The following FMNL3 variants were observed in gnomAD, a reference collection of about 807,000 sequenced individuals.
The protein encoded by FMNL3 is formin like 3.
A neutral mutation model predicts 119.6 loss-of-function variants in FMNL3; 57 were observed. That is an observed-to-expected ratio of 0.48 (90% CI 0.39 to 0.59). The LOEUF (loss-of-function observed/expected upper bound fraction) is 0.59, where lower values mean the gene tolerates loss of function less well. Among genes scored for constraint, FMNL3 ranks in the 20% least tolerant of loss-of-function variants. The pLI is 0.00. For missense variants in FMNL3, 1,053 were observed against 1,323.5 expected (o/e 0.80, Z 3.17); for synonymous variants, 491 against 507.3 (o/e 0.97, Z 0.43).
intron 4 of FMNL3, 136 bp from the exon 5 acceptor site, chr12:49,662,185 C>A (rs1943752839): frequency 1.3e-6 from 1 of 772,286 alleles, no homozygotes; most frequent in Non-Finnish European, 2.2e-6. Context: ...AGATCAAAAC[C>A]CATGACAGAC....
At chr12:49,687,665 T>C (rs1592687113) in intron 1 of FMNL3, among the ~76,000 whole-genome samples, 1 of 152,246 alleles carries the variant, frequency 6.6e-6, no homozygotes, top group African/African-American at 2.4e-5. Flanking sequence ...CTTGTCTTTT[T>C]TGTTCACTGT....
At chr12:49,663,517 A>G (rs1167375945) in intron 4 of FMNL3, among the ~76,000 whole-genome samples, 1 of 152,234 alleles carries the variant, frequency 6.6e-6, no homozygotes, top group Admixed American at 6.5e-5. Flanking sequence ...TCCTGCCCAG[A>G]AATCCAGGAA....
intron 2 of FMNL3, among the ~76,000 whole-genome samples, 168 bp downstream of exon 2, chr12:49,668,303 T>C (rs1943946554): frequency 6.6e-6 from 1 of 152,214 alleles, no homozygotes; most frequent in African/African-American, 2.4e-5. Flanking sequence ...GCCAGCTCTG[T>C]CTCTGTTATG....
rs140736399 is a variant in FMNL3, at chr12:49,645,527, T to C, written c.*288A>G. The C allele has an allele frequency of 8.1e-4, 332 of 409,120 alleles. 1 individual carries two copies. Among genetic ancestry groups the C allele is most frequent in the African/African-American group, 6.4e-3 (304 of 47,650 alleles). 25.3% of individuals were successfully genotyped at this position (409,120 alleles called of 1,614,324 possible). On this transcript the variant is annotated 3_prime_UTR_variant, in exon 26 of 26. Coordinates refer to ENST00000335154, the MANE Select transcript of FMNL3 (RefSeq NM_175736.5). ...TAGTGGGAGAGATCTATGTGCCCTG[T>C]TTAGGCTAAGGCTGGAAATGGTTTT... is the stretch of plus-strand genomic sequence containing the variant.
rs1279664136 is a variant in FMNL3, at chr12:49,650,807, G to A, written c.1869C>T (p.Cys623=). 1 of 1,614,208 alleles carries A rather than the reference G, an allele frequency of 6.2e-7. No homozygotes were observed. Among genetic ancestry groups the A allele is most frequent in the Non-Finnish European group, 8.5e-7 (1 of 1,180,028 alleles). ...KAQGPALDLI[C]SKNKTAQKAA... Reference sequence around the variant, plus strand: ...CTTTTTGCGCTGTCTTGTTTTTGGAGCAGATGAGGTCAAGGGCAGGGCCCT... The same window carrying A: ...CTTTTTGCGCTGTCTTGTTTTTGGAACAGATGAGGTCAAGGGCAGGGCCCT... Residue 623 remains cysteine (C), a synonymous_variant, in exon 17 of 26, where the codon TGC becomes TGT. Coordinates refer to ENST00000335154, the MANE Select transcript of FMNL3 (RefSeq NM_175736.5).
rs1234527476 is a variant in FMNL3, at chr12:49,644,424, G to A, written c.*1391C>T. On this transcript the variant is annotated 3_prime_UTR_variant, in exon 26 of 26. Coordinates refer to ENST00000335154, the MANE Select transcript of FMNL3 (RefSeq NM_175736.5). ...CCTCAGCCCCAGACCAGAGATGGGT[G>A]GTATATGCCATGTGGGGTGGGTGAT... 3 of 552,884 alleles carry A rather than the reference G, an allele frequency of 5.4e-6. No homozygotes were observed. Among genetic ancestry groups the A allele is most frequent in the African/African-American group, 1.9e-5 (1 of 52,972 alleles). The allele number at this position is 552,884 out of a possible 1,614,324, so 34.2% of individuals were successfully genotyped here.
rs180856054 is a variant in FMNL3, at chr12:49,676,784, T to C, written c.127-8230A>G. ...GTTCTCTTATCTATAATCTGTCTTATGTCCTATAGCACAAATCACTTTATA... is the reference window on the plus strand; with the variant it reads ...GTTCTCTTATCTATAATCTGTCTTACGTCCTATAGCACAAATCACTTTATA... On this transcript the variant is annotated intron_variant, in intron 1 of 25. Transcript: ENST00000335154. Among the ~76,000 whole-genome samples the C allele has an allele frequency of 6.6e-5, 10 of 152,294 alleles. No individual in the cohort carries two copies. The East Asian group carries it at 1.3e-3, about 21-fold the overall frequency.
At position 49,696,045 on chromosome 12, in the gene FMNL3, A is replaced by C. The variant is rs141942274; in HGVS notation, c.126+11010T>G. ...TGCAAGAGGCCACTGGGTTCCTGGG[A>C]TTTGTGAAAATATAGCTGTCTCTTG... is the stretch of plus-strand genomic sequence containing the variant. On this transcript the variant is annotated intron_variant, in intron 1 of 25. Transcript: ENST00000335154. Among the ~76,000 whole-genome samples the C allele has an allele frequency of 3.0e-4, 46 of 152,232 alleles. No homozygotes were observed. The East Asian group carries it at 8.5e-3, about 28-fold the overall frequency.
In FMNL3 at chr12:49,695,709, AAC is replaced by A. The variant is rs539307084; in HGVS notation, c.126+11344_126+11345del. Among the ~76,000 whole-genome samples, 7 of 152,346 alleles carry A rather than the reference AAC, an allele frequency of 4.6e-5. No individual in the cohort carries two copies. The South Asian group carries it at 6.2e-4, about 14-fold the overall frequency. ...AGATGAGGGACTCTACTCAGAAAAA[AAC>A]AGAGTGTTGTCTTAAAGATTTTTTT... On this transcript the variant is annotated intron_variant, in intron 1 of 25. Coordinates refer to ENST00000335154, the MANE Select transcript of FMNL3 (RefSeq NM_175736.5).
At chr12:49,664,514 G>A (rs1943832279) in intron 4 of FMNL3, among the ~76,000 whole-genome samples, 1 of 152,168 alleles carries the variant, frequency 6.6e-6, no homozygotes, top group African/African-American at 2.4e-5. Flanking sequence ...ACTCAGGGTT[G>A]CCATCGGTGT....
Position 49,642,550 on chromosome 12 carries a change from G to A in FMNL3, c.*3265C>T. On this transcript the variant is annotated 3_prime_UTR_variant, in exon 26 of 26. Transcript: ENST00000335154. This position sits in a 1 kb window ranked among gnomAD's most constrained non-coding sequence, Gnocchi z 5.8. The stretch of plus-strand genomic sequence containing the variant: ...TCCAGGCCAGGCTGAGTGGGGCCTA[G>A]TCTGATCAGCAGTGCTCTCCTCGTT... The A allele has an allele frequency of 1.2e-6, 2 of 1,612,734 alleles. No individual in the cohort carries two copies. Among genetic ancestry groups the A allele is most frequent in the South Asian group, 1.1e-5 (1 of 90,976 alleles).
At chr12:49,693,343 G>A (rs572523825) in intron 1 of FMNL3, among the ~76,000 whole-genome samples, 30 of 152,006 alleles carry the variant, frequency 2.0e-4, no homozygotes, top group African/African-American at 7.2e-4. Context: ...TATACATATA[G>A]AGAGAGACAG....
In FMNL3 at chr12:49,641,704, G is replaced by A; in HGVS notation, c.*4111C>T. 1.7e-6 allele frequency: 1 copy of A among 581,706 alleles called. No individual in the cohort carries two copies. Among genetic ancestry groups the A allele is most frequent in the Non-Finnish European group, 3.1e-6 (1 of 326,578 alleles). The allele number at this position is 581,706 out of a possible 1,614,324, so 36.0% of individuals were successfully genotyped here. ...TCTCCCAACCCCTTCAGCTCTGTGT[G>A]ACATCCAAACCAAGGGTAGGCATGG... On this transcript the variant is annotated 3_prime_UTR_variant, in exon 26 of 26. Transcript: ENST00000335154.
intron 2 of FMNL3, among the ~76,000 whole-genome samples, chr12:49,667,135 AG>A (rs1943914087): frequency 6.6e-6 from 1 of 152,180 alleles, no homozygotes; most frequent in African/African-American, 2.4e-5. Context: ...AAAGAAACTC[AG>A]GGAGTACCCC....
At chr12:49,653,658 C>T (rs1411996092) in intron 12 of FMNL3, 67 bp downstream of exon 12, 3 of 1,598,082 alleles carry the variant, frequency 1.9e-6, no homozygotes, top group South Asian at 1.1e-5. Context: ...AATGGGTCAG[C>T]TCAGGATTCC....
chr12:49,698,520 C>G (rs1200239650), intron 1 of FMNL3, among the ~76,000 whole-genome samples: 1 of 87,170 alleles, frequency 1.1e-5, no homozygotes, highest in Non-Finnish European at 2.1e-5. Flanking sequence ...CTGCTCCCCA[C>G]CCCCAAAAAA....
chr12:49,651,563 A>T (rs1412843327), intron 14 of FMNL3, 113 bp from the exon 15 acceptor site: 45 of 924,394 alleles, frequency 4.9e-5, no homozygotes, highest in Non-Finnish European at 6.5e-5. Context: ...AAAAACTCTC[A>T]GAGAAGGAGC....
chr12:49,706,998 CGGGCGTCG>C, intron 1 of FMNL3, 49 bp downstream of exon 1: 1 of 1,538,342 alleles, frequency 6.5e-7, no homozygotes, highest in Non-Finnish European at 8.8e-7. Context: ...AGTCCCAGCC[CGGGCGTCG>C]GGACCTGAGG....
chr12:49,697,012 T>C (rs1387141948), intron 1 of FMNL3, among the ~76,000 whole-genome samples: 1 of 152,208 alleles, frequency 6.6e-6, no homozygotes, highest in Non-Finnish European at 1.5e-5. Context: ...ACTACATGTG[T>C]TCATACATAG....
Sources: gnomAD v4.1 joint callset for allele counts (sites outside exome capture counted in the v4.1 genomes callset) on GRCh38, gnomAD v4.1.1 for gene constraint, Gnocchi (gnomAD v3.1) non-coding constraint, MANE v1.5 for transcripts, NCBI Gene and HGNC (gene_info 2026-07-23, HGNC 2026-07-21) for gene names.